The following GALNT16 variants were observed in gnomAD, a reference collection of about 807,000 sequenced individuals.
The protein encoded by GALNT16 is polypeptide N-acetylgalactosaminyltransferase 16, also known as UDP-GalNAc:polypeptide N-acetylgalactosaminyltransferase-like protein 1.
A neutral mutation model predicts 76.1 loss-of-function variants in GALNT16; 40 were observed. The ratio of observed to expected loss-of-function variants is 0.53; its 90% CI spans 0.41 to 0.68. GALNT16 has a LOEUF of 0.68. Among genes scored for constraint, GALNT16 ranks in the 30% least tolerant of loss-of-function variants. GALNT16 has a pLI of 0.00. For missense variants in GALNT16, 621 were observed against 731.9 expected, an observed-to-expected ratio of 0.85 and a Z score of 1.75; for synonymous variants, 276 against 285.2, an observed-to-expected ratio of 0.97 and a Z score of 0.32.
chr14:69,287,901 G>C (rs1349237420), intron 1 of GALNT16, among the ~76,000 whole-genome samples: 1 of 152,186 alleles, frequency 6.6e-6, no homozygotes, highest in African/African-American at 2.4e-5. Context: ...CCTCGCCTGG[G>C]TATTTGGTGA....
chr14:69,340,387 T>C (rs1360363528), intron 11 of GALNT16, among the ~76,000 whole-genome samples: 1 of 152,192 alleles, frequency 6.6e-6, no homozygotes, highest in Non-Finnish European at 1.5e-5. Flanking sequence ...AGATTACTTA[T>C]AATACCTAAT....
intron 9 of GALNT16, among the ~76,000 whole-genome samples, chr14:69,336,864 A>G (rs1354679006): frequency 1.3e-5 from 2 of 151,978 alleles, no homozygotes; most frequent in Admixed American, 1.3e-4. Context: ...AGCTGGGACT[A>G]CAGGTGCATG....
the GALNT16 span, among the ~76,000 whole-genome samples, chr14:69,385,294 T>C: frequency 2.0e-5 from 3 of 152,198 alleles, no homozygotes; most frequent in African/African-American, 7.2e-5. Context: ...GGACACTTAA[T>C]GCATCCCTGA....
Position 69,261,278 on chromosome 14 carries a change from C to T in GALNT16, c.177+811C>T, listed in dbSNP as rs1327516912. On this transcript the variant is annotated intron_variant, in intron 1 of 14. Coordinates refer to ENST00000448469, the MANE Select transcript of GALNT16 (RefSeq NM_001168368.2). The surrounding 1 kb of genome is among the most constrained non-coding windows in gnomAD (Gnocchi z 6.4). ...GGACCCGGGCGGGGGCGTGCGGAGC[C>T]GCAGCCGCCCTGCAGGGGGCGATCC... Among the ~76,000 whole-genome samples, 1 of 152,002 alleles carries T rather than the reference C, an allele frequency of 6.6e-6. No homozygotes were observed. The highest frequency in any genetic ancestry group is 1.5e-5 in the Non-Finnish European group (1 of 67,956).
Position 69,328,496 on chromosome 14 carries a change from C to T in GALNT16, c.615C>T (p.Thr205=), listed in dbSNP as rs144789007. The change falls in exon 6 of 15, where the codon ACC becomes ACT. Residue 205 remains threonine (T), a synonymous_variant. Coordinates refer to ENST00000448469, the MANE Select transcript of GALNT16 (RefSeq NM_001168368.2). ...RVRGADVAAA[T]VLTFLDSHCE... ...GTGGGGCGGACGTGGCTGCAGCTAC[C>T]GTTCTCACCTTTCTGGATAGCCACT... 1.0e-4 allele frequency: 166 copies of T among 1,613,960 alleles called. No individual in the cohort carries two copies. Among genetic ancestry groups the T allele is most frequent in the Non-Finnish European group, 1.3e-4 (154 of 1,179,914 alleles).
intron 1 of GALNT16, among the ~76,000 whole-genome samples, chr14:69,276,563 C>A (rs1186976166): frequency 6.6e-6 from 1 of 152,014 alleles, no homozygotes; most frequent in Non-Finnish European, 1.5e-5. Context: ...CGCCTGTAAT[C>A]CCAGCTACTC....
At chr14:69,348,875 C>G (rs1380868551) in intron 14 of GALNT16, 1 of 152,528 alleles carries the variant, frequency 6.6e-6, no homozygotes, top group African/African-American at 2.4e-5. Flanking sequence ...CCAGAGGCTG[C>G]TCCAGCACTT....
chr14:69,330,206 A>T (rs775577017), intron 6 of GALNT16, among the ~76,000 whole-genome samples: 1 of 152,246 alleles, frequency 6.6e-6, no homozygotes, highest in African/African-American at 2.4e-5. Context: ...ATGGGTAAAT[A>T]AAATGTGGTG....
chr14:69,296,765 GAT>G (rs1338517885), intron 1 of GALNT16, among the ~76,000 whole-genome samples: 78 of 132,934 alleles, frequency 5.9e-4, no homozygotes, highest in African/African-American at 9.8e-4. Context: ...TAGATAGATA[GAT>G]AGACAGATAG....
chr14:69,300,002 G>A (rs2044827061), intron 1 of GALNT16, among the ~76,000 whole-genome samples: 1 of 152,262 alleles, frequency 6.6e-6, no homozygotes, highest in Non-Finnish European at 1.5e-5. Context: ...GCCCCAGAGA[G>A]CCAGGCCTCT....
chr14:69,299,960 G>T (rs574565138), intron 1 of GALNT16, among the ~76,000 whole-genome samples: 1 of 152,148 alleles, frequency 6.6e-6, no homozygotes, highest in Non-Finnish European at 1.5e-5. Context: ...ACAAGAGTTC[G>T]AGCAGCCTCA....
chr14:69,309,316 T>TA (rs759640186), intron 1 of GALNT16, among the ~76,000 whole-genome samples: 43 of 148,762 alleles, frequency 2.9e-4, no homozygotes, highest in East Asian at 1.0e-3. Flanking sequence ...TTTTTTTTTT[T>TA]ATTTGAGACA....
At chr14:69,365,420 C>T in the GALNT16 span, among the ~76,000 whole-genome samples, 15 of 152,244 alleles carry the variant, frequency 9.9e-5, no homozygotes, top group East Asian at 2.9e-3. Context: ...ACATGGTAGA[C>T]AGTAAAAGCT....
chr14:69,334,957 C>T (rs925160987), intron 9 of GALNT16, among the ~76,000 whole-genome samples: 1 of 152,130 alleles, frequency 6.6e-6, no homozygotes, highest in African/African-American at 2.4e-5. Context: ...CCCACTGCTT[C>T]CTTCTTCTTC....
chr14:69,338,780 A>C lies in GALNT16; in HGVS notation c.1094+3A>C. 6.2e-7 allele frequency: 1 copy of C among 1,610,158 alleles called. No homozygotes were observed. The highest frequency in any genetic ancestry group is 1.1e-5 in the South Asian group (1 of 90,886). On this transcript the variant is annotated splice_donor_region_variant and intron_variant, in intron 10 of 14. Transcript: ENST00000448469. ...GGTAATGCCCTCACCTACATCAGGT[A>C]GGTCACCGAGAAAGGAGCACGGGAC... is the stretch of plus-strand genomic sequence containing the variant.
the GALNT16 span, among the ~76,000 whole-genome samples, chr14:69,373,464 A>G: frequency 6.6e-6 from 1 of 152,258 alleles, no homozygotes; most frequent in Non-Finnish European, 1.5e-5. Flanking sequence ...CTGGCACAGA[A>G]AAGGCTTTTA....
intron 12 of GALNT16, among the ~76,000 whole-genome samples, chr14:69,345,742 A>C (rs79883973): frequency 1.3e-5 from 1 of 76,606 alleles, no homozygotes; most frequent in Non-Finnish European, 3.1e-5. Context: ...GTGTGTCTGT[A>C]TGTGTGTATA....
chr14:69,305,154 C>T (rs1428104752), intron 1 of GALNT16, among the ~76,000 whole-genome samples: 1 of 149,548 alleles, frequency 6.7e-6, no homozygotes, highest in East Asian at 2.0e-4. Flanking sequence ...TTTATAATAA[C>T]CATCCGACAA....
intron 9 of GALNT16, among the ~76,000 whole-genome samples, chr14:69,334,379 G>T (rs747654865): frequency 6.6e-6 from 1 of 152,204 alleles, no homozygotes; most frequent in Non-Finnish European, 1.5e-5. Flanking sequence ...AGTATGTGTG[G>T]GCTGGCAAGC....
Sources: gnomAD v4.1 joint callset for allele counts (sites outside exome capture counted in the v4.1 genomes callset) on GRCh38, gnomAD v4.1.1 for gene constraint, Gnocchi (gnomAD v3.1) non-coding constraint, MANE v1.5 for transcripts, NCBI Gene and HGNC (gene_info 2026-07-23, HGNC 2026-07-21) for gene names.